The following MAEA variants were observed in gnomAD, a reference collection of about 807,000 sequenced individuals.
The protein encoded by MAEA is macrophage erythroblast attacher, E3 ubiquitin ligase.
MAEA carries 22 observed loss-of-function variants against 46.2 expected under a neutral mutation model. That is an observed-to-expected ratio of 0.48 (90% confidence interval 0.34 to 0.68). The LOEUF is 0.68. Among genes scored for constraint, MAEA ranks in the 30% least tolerant of loss-of-function variants. The probability of loss-of-function intolerance (pLI) is 0.01; values close to 1 mark genes in which losing one functional copy is unlikely to be tolerated. For synonymous variants in MAEA, 246 were observed against 222.6 expected, an observed-to-expected ratio of 1.11 and a Z score of -0.94; for missense variants, 393 against 558.1, an observed-to-expected ratio of 0.70 and a Z score of 2.98.
At chr4:1,309,788 T>C (rs1188069416) in intron 1 of MAEA, 2 of 1,424,100 alleles carry the variant, frequency 1.4e-6, no homozygotes, top group Non-Finnish European at 9.2e-7. Context: ...CCTTTTCCCT[T>C]GCACTGGGAG....
chr4:1,298,010 C>G (rs1304380698), intron 1 of MAEA: 1 of 456,196 alleles, frequency 2.2e-6, no homozygotes, highest in East Asian at 6.9e-5. Context: ...GCCACAGAAG[C>G]CGCACCTATC....
intron 7 of MAEA, 88 bp from the exon 8 acceptor site, chr4:1,338,334 C>A: frequency 9.5e-7 from 1 of 1,050,286 alleles, no homozygotes; most frequent in Non-Finnish European, 1.4e-6. Context: ...CAGAAGGGCA[C>A]GCAGCCCAGG....
At chr4:1,334,268 A>G (rs7442401) in intron 6 of MAEA, among the ~76,000 whole-genome samples, 150,044 of 151,218 alleles carry the variant, frequency 0.99, 74,449 homozygotes, top group East Asian at 1. Flanking sequence ...TGAGCCTGGC[A>G]CCAGTCTCTG....
intron 1 of MAEA, among the ~76,000 whole-genome samples, chr4:1,297,676 G>A (rs373384843): frequency 6.6e-6 from 1 of 152,160 alleles, no homozygotes; most frequent in South Asian, 2.1e-4. Context: ...GCGAGGGCAC[G>A]GGCCGTCCTT....
At chr4:1,334,636 A>C (rs1167758281) in intron 6 of MAEA, among the ~76,000 whole-genome samples, 1 of 152,236 alleles carries the variant, frequency 6.6e-6, no homozygotes, top group South Asian at 2.1e-4. Context: ...TGTGGTAAAG[A>C]GGGAGGCAGG....
At chr4:1,318,475 C>T (rs2108939837) in intron 3 of MAEA, among the ~76,000 whole-genome samples, 1 of 152,300 alleles carries the variant, frequency 6.6e-6, no homozygotes, top group African/African-American at 2.4e-5. Flanking sequence ...ACGGGCTACA[C>T]TCAAGGTGTT....
Position 1,327,490 on chromosome 4 carries a change from T to C in MAEA, c.580-137T>C, listed in dbSNP as rs1305850912. 6.9e-6 allele frequency: 5 copies of C among 726,572 alleles called. No homozygotes were observed. The East Asian group carries it at 1.3e-4, about 18-fold the overall frequency. The allele number at this position is 726,572 out of a possible 1,614,324, so 45.0% of individuals were successfully genotyped here. ...AAAGTGGCAGCTTCAGCCTCAGCCCTGCCTTCCCCGTGCCTGTGAGAGAGG... is the reference window on the plus strand; with the variant it reads ...AAAGTGGCAGCTTCAGCCTCAGCCCCGCCTTCCCCGTGCCTGTGAGAGAGG... On this transcript the variant is annotated intron_variant, in intron 4 of 8. Coordinates refer to ENST00000303400, the MANE Select transcript of MAEA (RefSeq NM_001017405.3).
At chr4:1,310,133 C>A (rs1015582535) in intron 1 of MAEA, 1 of 547,448 alleles carries the variant, frequency 1.8e-6, no homozygotes, top group Non-Finnish European at 2.3e-6. Flanking sequence ...GAGTATATGC[C>A]TTGCGTCCTT....
At chr4:1,300,928 T>C (rs1735259740) in intron 1 of MAEA, among the ~76,000 whole-genome samples, 1 of 152,102 alleles carries the variant, frequency 6.6e-6, no homozygotes, top group African/African-American at 2.4e-5. Flanking sequence ...GGAGATTAGC[T>C]CAGGATGGCA....
In MAEA at chr4:1,336,127, G is replaced by A. The variant is rs571004127; in HGVS notation, c.766-734G>A. Among the ~76,000 whole-genome samples, 273 of 151,148 alleles carry A rather than the reference G, an allele frequency of 1.8e-3. 1 individual carries two copies. The highest frequency in any genetic ancestry group is 6.3e-3 in the African/African-American group (259 of 41,074). The stretch of plus-strand genomic sequence containing the variant: ...TCAGAGTTAAGTCAGCACTCATCCC[G>A]CAGCATGTTGAAATCAGGGAGTTAG... On this transcript the variant is annotated intron_variant, in intron 6 of 8. Coordinates refer to ENST00000303400, the MANE Select transcript of MAEA (RefSeq NM_001017405.3).
At chr4:1,319,785 T>TC (rs57385687) in intron 3 of MAEA, among the ~76,000 whole-genome samples, 34,884 of 151,282 alleles carry the variant, frequency 0.23, 4,966 homozygotes, top group East Asian at 0.45. Context: ...AAGTAAGACT[T>TC]TGTGGGAGAC....
intron 1 of MAEA, among the ~76,000 whole-genome samples, chr4:1,295,096 G>C (rs543212539): frequency 1.3e-5 from 2 of 152,208 alleles, no homozygotes; most frequent in Admixed American, 1.3e-4. Flanking sequence ...CAAGCCCAAG[G>C]AGACACATTG....
chr4:1,296,369 C>T (rs1455406637), intron 1 of MAEA, among the ~76,000 whole-genome samples: 1 of 112,824 alleles, frequency 8.9e-6, no homozygotes, highest in Non-Finnish European at 1.8e-5. Flanking sequence ...ACCTGTGCCC[C>T]CCTCACCTGT....
intron 1 of MAEA, among the ~76,000 whole-genome samples, chr4:1,308,602 C>T (rs1374100322): frequency 2.0e-5 from 3 of 152,230 alleles, no homozygotes; most frequent in Admixed American, 6.5e-5. Context: ...GTTGAGTGAT[C>T]GCCGTCCTAA....
In MAEA at chr4:1,326,311, C is replaced by T. The variant is rs1040321050; in HGVS notation, c.580-1316C>T. ...CAGGCCATGTGAACCCAGAGTGACA[C>T]GCGGCCCCAGCCCAAGACTCGCTCC... is the stretch of plus-strand genomic sequence containing the variant. On this transcript the variant is annotated intron_variant, in intron 4 of 8. Transcript: ENST00000303400. 1.1e-4 allele frequency among the ~76,000 whole-genome samples: 17 copies of T among 152,348 alleles called. No individual in the cohort carries two copies. The East Asian group carries it at 2.1e-3, about 19-fold the overall frequency.
chr4:1,310,907 G>A (rs767706310), intron 1 of MAEA, among the ~76,000 whole-genome samples: 4 of 152,254 alleles, frequency 2.6e-5, no homozygotes, highest in Non-Finnish European at 5.9e-5. Flanking sequence ...TGTTGCCCTG[G>A]CTGTCCCTAC....
intron 3 of MAEA, among the ~76,000 whole-genome samples, chr4:1,316,957 CTGCAGG>C (rs1737276886): frequency 1.3e-5 from 2 of 148,246 alleles, no homozygotes; most frequent in Admixed American, 6.7e-5. Context: ...CCAGACTCAC[CTGCAGG>C]CCCACCACGG....
At chr4:1,334,060 ACCC>A (rs755093925) in intron 6 of MAEA, among the ~76,000 whole-genome samples, 2 of 12,036 alleles carry the variant, frequency 1.7e-4, no homozygotes, top group African/African-American at 4.5e-4. Context: ...CCCTGCACCC[ACCC>A]CCATGCCCGT....
intron 2 of MAEA, among the ~76,000 whole-genome samples, chr4:1,312,909 C>T (rs1375333805): frequency 2.6e-5 from 4 of 152,148 alleles, no homozygotes; most frequent in Non-Finnish European, 4.4e-5. Flanking sequence ...CGAAAGGAAT[C>T]GCCAGGCCAG....
Sources: gnomAD v4.1 joint callset for allele counts (sites outside exome capture counted in the v4.1 genomes callset) on GRCh38, gnomAD v4.1.1 for gene constraint, MANE v1.5 for transcripts, NCBI Gene and HGNC (gene_info 2026-07-23, HGNC 2026-07-21) for gene names.